The following IGSF21 variants were observed in gnomAD, a reference collection of about 807,000 sequenced individuals.
IGSF21 encodes immunoglobin superfamily member 21, also known as immunoglobulin superfamily member 21.
In IGSF21, 28 loss-of-function variants were observed where a neutral mutation model predicts 46.8. That is an observed-to-expected ratio of 0.60 (90% CI 0.44 to 0.82). The LOEUF (loss-of-function observed/expected upper bound fraction) is 0.82. IGSF21 is among the 40% of genes least tolerant of loss of function. The pLI is 0.00. For synonymous variants in IGSF21, 284 were observed against 273.6 expected, an observed-to-expected ratio of 1.04 and a Z score of -0.38; for missense variants, 624 against 665.5, an observed-to-expected ratio of 0.94 and a Z score of 0.69.
At chr1:18,225,853 T>A (rs1258030124) in intron 1 of IGSF21, among the ~76,000 whole-genome samples, 2 of 152,208 alleles carry the variant, frequency 1.3e-5, no homozygotes, top group African/African-American at 4.8e-5. Flanking sequence ...GAGGCTGTAA[T>A]AGCGTGGTGG....
intron 2 of IGSF21, among the ~76,000 whole-genome samples, chr1:18,270,332 T>C (rs1432630078): frequency 6.6e-6 from 1 of 152,190 alleles, no homozygotes; most frequent in Non-Finnish European, 1.5e-5. Context: ...TATAATGGTT[T>C]CGTTCCCAAG....
At chr1:18,310,226 G>C (rs1055729103) in intron 3 of IGSF21, among the ~76,000 whole-genome samples, 6 of 152,088 alleles carry the variant, frequency 3.9e-5, no homozygotes, top group African/African-American at 1.4e-4. Context: ...ACAGTTAAGG[G>C]CTTTATAAAG....
intron 3 of IGSF21, among the ~76,000 whole-genome samples, chr1:18,296,138 T>C (rs1417151752): frequency 6.6e-6 from 1 of 152,176 alleles, no homozygotes; most frequent in East Asian, 1.9e-4. Context: ...CCCCCCAGAA[T>C]AACCTTGAGA....
chr1:18,335,496 AC>A lies in IGSF21; in HGVS notation c.424+487del, dbSNP rs2085757525. ...GCACATGTAAAATGGAGGTAATAAT[AC>A]TGGTGTCTGTCTCTAGCTGGCTGGG... On this transcript the variant is annotated intron_variant, in intron 4 of 9. Transcript: ENST00000251296. This position sits in a 1 kb window ranked among gnomAD's most constrained non-coding sequence, Gnocchi z 4.8. Among the ~76,000 whole-genome samples, 1 of 152,068 alleles carries A rather than the reference AC, an allele frequency of 6.6e-6. No individual in the cohort carries two copies. The highest frequency in any genetic ancestry group is 2.1e-4 in the South Asian group (1 of 4,818).
At chr1:18,302,539 T>A (rs2085372419) in intron 3 of IGSF21, among the ~76,000 whole-genome samples, 1 of 152,210 alleles carries the variant, frequency 6.6e-6, no homozygotes, top group East Asian at 1.9e-4. Flanking sequence ...ATTCTTCTCT[T>A]CTTTCTCTCC....
chr1:18,257,960 C>G (rs1368936996), intron 2 of IGSF21, among the ~76,000 whole-genome samples: 1 of 152,172 alleles, frequency 6.6e-6, no homozygotes, highest in Non-Finnish European at 1.5e-5. Flanking sequence ...GAGTGATGCT[C>G]TTCATTGAGC....
chr1:18,171,933 G>T (rs1363942255), intron 1 of IGSF21, among the ~76,000 whole-genome samples: 1 of 152,186 alleles, frequency 6.6e-6, no homozygotes, highest in Non-Finnish European at 1.5e-5. Flanking sequence ...TGTTCAATTA[G>T]TGGAAATCTA....
intron 1 of IGSF21, among the ~76,000 whole-genome samples, chr1:18,150,815 T>G (rs34155095): frequency 0.092 from 14,033 of 152,270 alleles, 713 homozygotes; most frequent in Middle Eastern, 0.19. Flanking sequence ...CCAAGGTCTC[T>G]CTGAGTGGGA....
At chr1:18,223,194 C>T (rs2084528400) in intron 1 of IGSF21, among the ~76,000 whole-genome samples, 1 of 152,242 alleles carries the variant, frequency 6.6e-6, no homozygotes, top group South Asian at 2.1e-4. Flanking sequence ...GGCCCCAACC[C>T]CAGGTCTCTC....
chr1:18,247,671 A>G (rs931900663), intron 2 of IGSF21, among the ~76,000 whole-genome samples: 4 of 152,152 alleles, frequency 2.6e-5, no homozygotes, highest in African/African-American at 9.7e-5. Flanking sequence ...GCTGGCAAAT[A>G]ATATCAATAC....
At chr1:18,286,903 C>A (rs2085216797) in intron 2 of IGSF21, among the ~76,000 whole-genome samples, 1 of 152,200 alleles carries the variant, frequency 6.6e-6, no homozygotes, top group African/African-American at 2.4e-5. Context: ...CATCTTCGGC[C>A]AGGCACAGTG....
At chr1:18,313,908 T>G (rs1171150393) in intron 3 of IGSF21, among the ~76,000 whole-genome samples, 3 of 152,162 alleles carry the variant, frequency 2.0e-5, no homozygotes, top group African/African-American at 7.2e-5. Context: ...TGGAAACAGT[T>G]TTGAAGCAGG....
At chr1:18,223,127 C>T (rs993065799) in intron 1 of IGSF21, among the ~76,000 whole-genome samples, 2 of 152,254 alleles carry the variant, frequency 1.3e-5, no homozygotes, top group African/African-American at 4.8e-5. Context: ...CAGGCTCTGA[C>T]CTCAAGCCCT....
intron 1 of IGSF21, among the ~76,000 whole-genome samples, chr1:18,210,641 A>G (rs1054794198): frequency 2.6e-5 from 4 of 152,086 alleles, no homozygotes; most frequent in Non-Finnish European, 5.9e-5. Flanking sequence ...TCTCAGCCTC[A>G]GAACTTCTTG....
intron 2 of IGSF21, among the ~76,000 whole-genome samples, chr1:18,235,032 G>A (rs984713635): frequency 3.3e-5 from 5 of 152,158 alleles, no homozygotes; most frequent in African/African-American, 1.2e-4. Flanking sequence ...ATTGGAAACC[G>A]GCAGGGGTAC....
intron 5 of IGSF21, among the ~76,000 whole-genome samples, chr1:18,364,114 C>T (rs1011652418): frequency 2.0e-5 from 3 of 152,112 alleles, no homozygotes; most frequent in African/African-American, 4.8e-5. Context: ...CCTGCCCCAA[C>T]ATTTGCGACA....
chr1:18,116,624 C>G (rs1248292488), intron 1 of IGSF21, among the ~76,000 whole-genome samples: 1 of 152,206 alleles, frequency 6.6e-6, no homozygotes. Flanking sequence ...CCAGTCACTT[C>G]CATTAATTAA....
intron 1 of IGSF21, among the ~76,000 whole-genome samples, chr1:18,222,834 T>A (rs2084523866): frequency 6.6e-6 from 1 of 152,150 alleles, no homozygotes; most frequent in African/African-American, 2.4e-5. Flanking sequence ...ACTTTTCCTG[T>A]GTTTTTCTCT....
chr1:18,111,940 T>G (rs1415441315), intron 1 of IGSF21: 1 of 152,214 alleles, frequency 6.6e-6, no homozygotes, highest in Non-Finnish European at 1.5e-5. Context: ...GCCTCAGATC[T>G]GCCTGCTACT....
Sources: allele counts gnomAD v4.1 joint callset (sites outside exome capture counted in the v4.1 genomes callset), GRCh38; gene constraint gnomAD v4.1.1; non-coding constraint Gnocchi (gnomAD v3.1); transcripts MANE v1.5; gene names NCBI Gene and HGNC (gene_info 2026-07-23, HGNC 2026-07-21).